Variants in CFAP54 observed in about 807,000 individuals in gnomAD.
The protein encoded by CFAP54 is cilia- and flagella-associated protein 54.
CFAP54 carries 290 observed loss-of-function variants against 370.4 expected under a neutral mutation model. The observed-to-expected ratio is 0.78, with a 90% confidence interval of 0.71 to 0.86. The LOEUF is 0.86. Among genes scored for constraint, CFAP54 ranks in the 40% least tolerant of loss-of-function variants. The probability of loss-of-function intolerance (pLI) is 0.00; values close to 1 mark genes in which losing one functional copy is unlikely to be tolerated. For missense variants in CFAP54, 3,399 were observed against 3,528.7 expected (o/e 0.96, Z 0.93); for synonymous variants, 1,206 against 1,236.5 (o/e 0.98, Z 0.52).
intron 65 of CFAP54, among the ~76,000 whole-genome samples, chr12:96,828,322 A>G (rs565882945): frequency 1.9e-4 from 29 of 151,882 alleles, no homozygotes; most frequent in African/African-American, 6.3e-4. Context: ...GTGGAGTCAC[A>G]GAAATTTGAA....
intron 65 of CFAP54, among the ~76,000 whole-genome samples, chr12:96,825,254 A>G (rs1465543052): frequency 1.9e-5 from 2 of 106,826 alleles, no homozygotes; most frequent in Non-Finnish European, 3.7e-5. Flanking sequence ...TAGATATTAT[A>G]TATTATATAT....
At chr12:96,576,262 T>C (rs1170533158) in intron 19 of CFAP54, among the ~76,000 whole-genome samples, 1 of 151,964 alleles carries the variant, frequency 6.6e-6, no homozygotes, top group African/African-American at 2.4e-5. Flanking sequence ...ATGAACCTTT[T>C]AGGGAAAATG....
rs776878062 is a variant in CFAP54 at position 96,744,119 on chromosome 12, T to A, written c.7657T>A (p.Leu2553Ile). The A allele has an allele frequency of 3.1e-6, 5 of 1,608,758 alleles. No homozygotes were observed. The African/African-American group carries it at 6.7e-5, about 22-fold the overall frequency. ...AAATATCTATCTTCCCCATGTCATGTTATTGGCCAAAATAAAAATGAGAAT... is the reference window on the plus strand; with the variant it reads ...AAATATCTATCTTCCCCATGTCATGATATTGGCCAAAATAAAAATGAGAAT... ...LKNIYLPHVMLLAKIKMRIGH... is the reference protein window; with the variant it reads ...LKNIYLPHVMILAKIKMRIGH... The change falls in exon 55 of 68, where the codon TTA (leucine) becomes ATA (isoleucine). Residue 2553 changes from leucine (L) to isoleucine (I), a missense_variant. By Grantham distance (5) the Leu-to-Ile change is conservative (BLOSUM62 2). Transcript: ENST00000524981.
At chr12:96,617,814 C>T (rs897706154) in intron 26 of CFAP54, among the ~76,000 whole-genome samples, 5 of 151,956 alleles carry the variant, frequency 3.3e-5, no homozygotes, top group Non-Finnish European at 5.9e-5. Context: ...CACGGTGAAA[C>T]CCTGTCTTTA....
intron 45 of CFAP54, among the ~76,000 whole-genome samples, chr12:96,694,961 C>T (rs947628511): frequency 1.3e-5 from 2 of 151,976 alleles, no homozygotes; most frequent in African/African-American, 4.8e-5. Context: ...GAGGAGGTTG[C>T]AGTGAGCTGA....
chr12:96,677,925 G>A (rs975691039), intron 39 of CFAP54, among the ~76,000 whole-genome samples: 4 of 152,180 alleles, frequency 2.6e-5, no homozygotes, highest in African/African-American at 9.6e-5. Context: ...ATGACTCCAG[G>A]TTTCTTCCCT....
Position 96,644,163 on chromosome 12 carries a change from T to C in CFAP54, c.4317-15T>C. On this transcript the variant is annotated splice_polypyrimidine_tract_variant and intron_variant, in intron 32 of 67. Transcript: ENST00000524981. ...AGTTCTTGTGTAATTTCAAAACTTCTTTCTCCCTTGGCAGAAATAGGAGAA... is the reference window on the plus strand; with the variant it reads ...AGTTCTTGTGTAATTTCAAAACTTCCTTCTCCCTTGGCAGAAATAGGAGAA... 11 of 1,492,500 alleles carry C rather than the reference T, an allele frequency of 7.4e-6. No individual in the cohort carries two copies. The highest frequency in any genetic ancestry group is 9.0e-6 in the Non-Finnish European group (10 of 1,117,280). 92.5% of individuals were successfully genotyped at this position (1,492,500 alleles called of 1,614,324 possible). A position where few individuals can be genotyped will look rare whatever the true frequency, so the allele number is the denominator to read the frequency against.
intron 56 of CFAP54, among the ~76,000 whole-genome samples, 183 bp from the exon 57 acceptor site, chr12:96,756,275 C>T (rs2136659967): frequency 6.6e-6 from 1 of 152,102 alleles, no homozygotes; most frequent in African/African-American, 2.4e-5. Flanking sequence ...CAGGGGAAGC[C>T]TGAGGGTTCT....
intron 50 of CFAP54, among the ~76,000 whole-genome samples, chr12:96,725,058 A>G (rs1299382525): frequency 6.6e-6 from 1 of 152,150 alleles, no homozygotes; most frequent in Admixed American, 6.6e-5. Flanking sequence ...TACCACTACC[A>G]TGCTGTTTTG....
rs377711980 is a variant in CFAP54 at position 96,815,671 on chromosome 12, CT to C, written c.8958-2100del. On this transcript the variant is annotated intron_variant, in intron 64 of 67. Transcript: ENST00000524981. ...TCCTGAATGGTATTGCCTAGGTTTTCTTTTGGGGTTTTTATGGTTTTAGGTT... is the reference window on the plus strand; with the variant it reads ...TCCTGAATGGTATTGCCTAGGTTTTCTTTGGGGTTTTTATGGTTTTAGGTT... Among the ~76,000 whole-genome samples, 404 of 152,226 alleles carry C rather than the reference CT, an allele frequency of 2.7e-3. 1 individual carries two copies. The highest frequency in any genetic ancestry group is 9.1e-3 in the African/African-American group (380 of 41,536).
rs186630070 is a variant in CFAP54, at chr12:96,860,674, G to T, written c.9172-145G>T. On this transcript the variant is annotated intron_variant, in intron 66 of 67. Transcript: ENST00000524981. The stretch of plus-strand genomic sequence containing the variant: ...TGTGTGCCATTTCAGCAGTTTAGAG[G>T]TATGAAACTTTGTGCCTTACCTGAG... 265 of 670,756 alleles carry T rather than the reference G, an allele frequency of 4.0e-4. 2 individuals carry two copies. Among genetic ancestry groups the T allele is most frequent in the Admixed American group, 1.2e-3 (38 of 31,236 alleles). The allele number at this position is 670,756 out of a possible 1,614,324, so 41.6% of individuals were successfully genotyped here. A position where few individuals can be genotyped will look rare whatever the true frequency, so the allele number is the denominator to read the frequency against.
intron 55 of CFAP54, among the ~76,000 whole-genome samples, chr12:96,747,965 C>CT (rs909090891): frequency 1.3e-5 from 2 of 151,910 alleles, no homozygotes; most frequent in African/African-American, 2.4e-5. Context: ...TTTTTATGAC[C>CT]TTTTTTTCTG....
chr12:96,723,661 CT>C (rs367616321), intron 50 of CFAP54, among the ~76,000 whole-genome samples: 3,999 of 148,056 alleles, frequency 0.027, 166 homozygotes, highest in African/African-American at 0.093. Flanking sequence ...AAAGATGATT[CT>C]TTTTTTTTTC....
chr12:96,507,560 TACAC>T (rs1303315790), intron 4 of CFAP54, among the ~76,000 whole-genome samples: 2 of 61,626 alleles, frequency 3.2e-5, no homozygotes, highest in African/African-American at 5.6e-5. Flanking sequence ...CACACACACA[TACAC>T]ACACACATAT....
chr12:96,510,931 C>A (rs1217565514), intron 4 of CFAP54, among the ~76,000 whole-genome samples: 1 of 149,002 alleles, frequency 6.7e-6, no homozygotes, highest in Non-Finnish European at 1.5e-5. Context: ...CCACTGTACT[C>A]CAGCCTGGGT....
intron 50 of CFAP54, among the ~76,000 whole-genome samples, chr12:96,727,119 G>A (rs1256051622): frequency 2.6e-5 from 4 of 151,936 alleles, no homozygotes; most frequent in African/African-American, 9.7e-5. Flanking sequence ...TTTGGAATAG[G>A]TGTGGTGTGG....
chr12:96,490,138 C>T (rs1954863460), intron 1 of CFAP54, among the ~76,000 whole-genome samples: 1 of 149,870 alleles, frequency 6.7e-6, no homozygotes, highest in South Asian at 2.1e-4. Flanking sequence ...TGGCTTCCTG[C>T]TCAGGTCAAA....
In CFAP54 at chr12:96,644,350, T is replaced by A; in HGVS notation, c.4489T>A (p.Leu1497Ile). The A allele has an allele frequency of 1.3e-6, 2 of 1,535,976 alleles. No individual in the cohort carries two copies. Among genetic ancestry groups the A allele is most frequent in the Non-Finnish European group, 1.7e-6 (2 of 1,146,802 alleles). The change falls in exon 33 of 68, where the codon TTA becomes ATA. Residue 1497 changes from leucine to isoleucine, a missense_variant. Physicochemically the swap from Leu to Ile is conservative, Grantham distance 5. Around this residue, in one of 3 missense-constraint regions of CFAP54, gnomAD observed 2,796 missense variants for 2,869.7 expected, o/e 0.97. Coordinates refer to ENST00000524981, the MANE Select transcript of CFAP54 (RefSeq NM_001306084.2). The part of the protein sequence containing the change: ...YLAGAHFNLV[L>I]QKLWECTKMK... ...AGCAGGTGCACACTTTAACCTGGTT[T>A]TACAAAAGCTATGGGAGTGTACGAA...
chr12:96,792,230 G>A lies in CFAP54; in HGVS notation c.8680-99G>A, dbSNP rs1958706814. On this transcript the variant is annotated intron_variant, in intron 62 of 67. Coordinates refer to ENST00000524981, the MANE Select transcript of CFAP54 (RefSeq NM_001306084.2). ...GATTTACCTCCATAAAACAAGCTGA[G>A]ACAATCCCAGAATTTTTCAATATAG... 5 of 1,034,252 alleles carry A rather than the reference G, an allele frequency of 4.8e-6. No individual in the cohort carries two copies. In the South Asian group the frequency reaches 9.4e-5, roughly 19 times the overall value. The allele number at this position is 1,034,252 out of a possible 1,614,324, so 64.1% of individuals were successfully genotyped here. A position where few individuals can be genotyped will look rare whatever the true frequency, so the allele number is the denominator to read the frequency against.
Sources: gnomAD v4.1 joint callset for allele counts (sites outside exome capture counted in the v4.1 genomes callset) on GRCh38, gnomAD v4.1.1 for gene constraint, gnomAD v4.1.1 regional missense constraint, MANE v1.5 for transcripts, NCBI Gene and HGNC (gene_info 2026-07-23, HGNC 2026-07-21) for gene names.